Variants in TXNDC16 observed in about 807,000 individuals in gnomAD.
TXNDC16 encodes the protein thioredoxin domain-containing protein 16.
Under a neutral mutation model 85.6 loss-of-function variants are expected in TXNDC16, and 74 were observed. That is an observed-to-expected ratio of 0.86 (90% CI 0.72 to 1.05). TXNDC16 has a LOEUF of 1.05. TXNDC16 is among the 50% of genes least tolerant of loss of function. TXNDC16 has a pLI of 0.00. For missense variants in TXNDC16, 959 were observed against 947.0 expected (o/e 1.01, Z -0.17); for synonymous variants, 335 against 326.5 (o/e 1.03, Z -0.28).
At chr14:52,472,169 T>C (rs950029377) in intron 14 of TXNDC16, among the ~76,000 whole-genome samples, 10 of 151,942 alleles carry the variant, frequency 6.6e-5, no homozygotes, top group Middle Eastern at 6.8e-3. Context: ...TCTGATAATA[T>C]AGGCAAGATT....
intron 8 of TXNDC16, among the ~76,000 whole-genome samples, chr14:52,513,038 T>G (rs2036993746): frequency 6.6e-6 from 1 of 152,152 alleles, no homozygotes; most frequent in South Asian, 2.1e-4. Flanking sequence ...GATTGTGACA[T>G]GTATGGGGCA....
intron 20 of TXNDC16, among the ~76,000 whole-genome samples, chr14:52,438,151 T>A (rs574430168): frequency 6.6e-6 from 1 of 152,248 alleles, no homozygotes; most frequent in East Asian, 1.9e-4. Context: ...GAAAATGCTA[T>A]GAACATCGTT....
chr14:52,548,813 C>G (rs970222757), intron 1 of TXNDC16, among the ~76,000 whole-genome samples: 5 of 151,318 alleles, frequency 3.3e-5, no homozygotes, highest in African/African-American at 9.7e-5. Context: ...ACCCAAGAGG[C>G]AGAGGTTGCA....
chr14:52,435,978 CA>C (rs542709963), intron 20 of TXNDC16, among the ~76,000 whole-genome samples: 26 of 150,336 alleles, frequency 1.7e-4, no homozygotes, highest in Admixed American at 1.5e-3. Context: ...GACCCTGTCT[CA>C]AAAAAAATAA....
intron 12 of TXNDC16, among the ~76,000 whole-genome samples, chr14:52,483,339 A>G (rs778505269): frequency 6.6e-6 from 1 of 152,232 alleles, no homozygotes; most frequent in Non-Finnish European, 1.5e-5. Context: ...TGGAAAAGTC[A>G]GATAAACTGA....
At chr14:52,540,047 T>C (rs987177386) in intron 4 of TXNDC16, among the ~76,000 whole-genome samples, 3 of 152,180 alleles carry the variant, frequency 2.0e-5, no homozygotes, top group Non-Finnish European at 4.4e-5. Flanking sequence ...TATTTCCGAA[T>C]TCAATCTTAT....
At chr14:52,478,139 A>G (rs1435725412) in intron 14 of TXNDC16, among the ~76,000 whole-genome samples, 1 of 152,178 alleles carries the variant, frequency 6.6e-6, no homozygotes, top group Non-Finnish European at 1.5e-5. Flanking sequence ...GAATGACAAT[A>G]GTGACACAAC....
chr14:52,470,589 C>T lies in TXNDC16; in HGVS notation c.1404G>A (p.Lys468=). The T allele has an allele frequency of 6.2e-7, 1 of 1,613,960 alleles. No homozygotes were observed. Among genetic ancestry groups the T allele is most frequent in the African/African-American group, 1.3e-5 (1 of 75,028 alleles). Residue 468 remains lysine, a synonymous_variant, in exon 15 of 21, where the codon AAG becomes AAA. Transcript: ENST00000281741. ...CTGGGTTCTCGCCTTTCTTGTACAT[C>T]TTTATGATAGGAAATTCAGTAACAT... The part of the protein sequence containing the change: ...KQNVTEFPII[K]MYKKGENPVS...
intron 6 of TXNDC16, among the ~76,000 whole-genome samples, chr14:52,534,878 G>C (rs1018002113): frequency 6.6e-6 from 1 of 152,130 alleles, no homozygotes. Flanking sequence ...TGTGGAATTC[G>C]TGTTCTATAA....
At chr14:52,531,236 C>T (rs73296737) in intron 6 of TXNDC16, among the ~76,000 whole-genome samples, 2,309 of 152,224 alleles carry the variant, frequency 0.015, 50 homozygotes, top group African/African-American at 0.052. Context: ...CGAAATGGTA[C>T]AGCCACTTTG....
rs571494103 is a variant in TXNDC16, at chr14:52,503,244, C to T, written c.756+7996G>A. On this transcript the variant is annotated intron_variant, in intron 9 of 20. Coordinates refer to ENST00000281741, the MANE Select transcript of TXNDC16 (RefSeq NM_020784.3). ...GAAGAGAGCAGTGGTTCTCCCAGCA[C>T]GCAGCTTGAGATCTGAGAACAGACT... Among the ~76,000 whole-genome samples, 19 of 152,334 alleles carry T rather than the reference C, an allele frequency of 1.2e-4. No individual in the cohort carries two copies. In the East Asian group the frequency reaches 1.4e-3, roughly 11 times the overall value.
intron 16 of TXNDC16, among the ~76,000 whole-genome samples, chr14:52,458,555 TAAAA>T (rs1255920547): frequency 6.6e-6 from 1 of 151,088 alleles, no homozygotes; most frequent in Non-Finnish European, 1.5e-5. Flanking sequence ...TCAAAAAAAA[TAAAA>T]AGAGAGACGA....
Position 52,482,959 on chromosome 14 carries a change from T to C in TXNDC16, c.1115A>G (p.Gln372Arg), listed in dbSNP as rs1228991731. 3.1e-6 allele frequency: 5 copies of C among 1,601,586 alleles called. No homozygotes were observed. The highest frequency in any genetic ancestry group is 4.2e-6 in the Non-Finnish European group (5 of 1,177,072). Residue 372 changes from glutamine to arginine, a missense_variant, in exon 13 of 21, where the codon CAG becomes CGG. Gln to Arg is a conservative substitution (Grantham distance 43). Coordinates refer to ENST00000281741, the MANE Select transcript of TXNDC16 (RefSeq NM_020784.3). ...NDMEGPDIDV[Q>R]DDEVAETVFR... Reference sequence around the variant, plus strand: ...AACAGTTTCTGCCACTTCATCATCCTGAACATCTAAAATGTTGGAAAAGAA... The same window carrying C: ...AACAGTTTCTGCCACTTCATCATCCCGAACATCTAAAATGTTGGAAAAGAA...
intron 19 of TXNDC16, among the ~76,000 whole-genome samples, 180 bp downstream of exon 19, chr14:52,440,384 A>G (rs1594679211): frequency 6.6e-6 from 1 of 151,702 alleles, no homozygotes; most frequent in East Asian, 1.9e-4. Context: ...ATAAAATTTA[A>G]TCTAAAATAA....
intron 6 of TXNDC16, among the ~76,000 whole-genome samples, chr14:52,533,179 T>C (rs1189621400): frequency 2.0e-5 from 3 of 152,186 alleles, no homozygotes; most frequent in African/African-American, 4.8e-5. Context: ...TGAGGCATGA[T>C]GGACTTTCCA....
intron 18 of TXNDC16, among the ~76,000 whole-genome samples, chr14:52,445,088 C>T (rs76497005): frequency 0.013 from 2,020 of 152,176 alleles, 45 homozygotes; most frequent in African/African-American, 0.046. Context: ...TATTTCCTAA[C>T]GTAAACTTGG....
chr14:52,479,256 G>C lies in TXNDC16; in HGVS notation c.1312+2974C>G, dbSNP rs535138642. On this transcript the variant is annotated intron_variant, in intron 14 of 20. Coordinates refer to ENST00000281741, the MANE Select transcript of TXNDC16 (RefSeq NM_020784.3). ...GTATTCCTTCTGAGAACTGGAACGA[G>C]ACAAGGATGCCCACTCTCACCATTC... is the stretch of plus-strand genomic sequence containing the variant. Among the ~76,000 whole-genome samples, 8 of 152,228 alleles carry C rather than the reference G, an allele frequency of 5.3e-5. 1 individual carries two copies. The South Asian group carries it at 1.7e-3, about 32-fold the overall frequency.
At position 52,545,785 on chromosome 14, in the gene TXNDC16, G is replaced by A. The variant is rs914147217; in HGVS notation, c.-181-1414C>T. On this transcript the variant is annotated intron_variant, in intron 1 of 20. Coordinates refer to ENST00000281741, the MANE Select transcript of TXNDC16 (RefSeq NM_020784.3). Reference sequence around the variant, plus strand: ...AAGGATATGTACCTTGTAGGACCATGGAAGAGTGGACATTTCACATGCATG... The same window carrying A: ...AAGGATATGTACCTTGTAGGACCATAGAAGAGTGGACATTTCACATGCATG... Among the ~76,000 whole-genome samples, 3 of 152,186 alleles carry A rather than the reference G, an allele frequency of 2.0e-5. 1 individual carries two copies. The highest frequency in any genetic ancestry group is 4.8e-5 in the African/African-American group (2 of 41,432).
At chr14:52,453,514 C>T (rs2035459376) in intron 18 of TXNDC16, among the ~76,000 whole-genome samples, 1 of 152,150 alleles carries the variant, frequency 6.6e-6, no homozygotes, top group Non-Finnish European at 1.5e-5. Flanking sequence ...GAATGAGATT[C>T]TGTCATTTTT....
Sources: allele counts gnomAD v4.1 joint callset (sites outside exome capture counted in the v4.1 genomes callset), GRCh38; gene constraint gnomAD v4.1.1; transcripts MANE v1.5; gene names NCBI Gene and HGNC (gene_info 2026-07-23, HGNC 2026-07-21).